LYN: variants seen among roughly 807,000 people sequenced by gnomAD.
The protein encoded by LYN is tyrosine-protein kinase Lyn.
LYN carries 12 observed loss-of-function variants against 65.0 expected under a neutral mutation model. The observed-to-expected ratio is 0.18, with a 90% CI of 0.12 to 0.30. The LOEUF (loss-of-function observed/expected upper bound fraction) is 0.30, where lower values mean the gene tolerates loss of function less well. LYN is among the 10% of genes least tolerant of loss of function. LYN has a pLI of 1.00. For synonymous variants in LYN, 222 were observed against 221.2 expected (o/e 1.00, Z -0.03); for missense variants, 380 against 623.2 (o/e 0.61, Z 4.16).
intron 1 of LYN, among the ~76,000 whole-genome samples, chr8:55,901,603 G>A (rs1486932234): frequency 6.6e-6 from 1 of 152,152 alleles, no homozygotes; most frequent in African/African-American, 2.4e-5. Context: ...CTCTTGCTCT[G>A]TGGGGTCAGG....
chr8:55,907,225 ATATTCATAAAATGGGG>A (rs1257954523), intron 1 of LYN, among the ~76,000 whole-genome samples: 3 of 152,358 alleles, frequency 2.0e-5, no homozygotes, highest in East Asian at 3.8e-4. Flanking sequence ...ACATTTTGAT[ATATTCATAAAATGGGG>A]TATTACTCAA....
chr8:55,908,968 G>T, intron 1 of LYN, among the ~76,000 whole-genome samples: 1 of 128,404 alleles, frequency 7.8e-6, no homozygotes, highest in Non-Finnish European at 1.6e-5. Flanking sequence ...TTTTGTGGCT[G>T]AATGGTATTC....
chr8:55,986,494 T>G (rs1301263674), intron 10 of LYN, among the ~76,000 whole-genome samples: 1 of 152,184 alleles, frequency 6.6e-6, no homozygotes, highest in Non-Finnish European at 1.5e-5. Flanking sequence ...AGAAGGTAAT[T>G]CTGTTTCGTG....
chr8:55,920,392 G>A (rs1268699734), intron 1 of LYN, among the ~76,000 whole-genome samples: 1 of 152,188 alleles, frequency 6.6e-6, no homozygotes, highest in Non-Finnish European at 1.5e-5. Context: ...TTTCTTAAGT[G>A]TGATCATGTC....
chr8:56,011,973 GTT>G lies in LYN; in HGVS notation c.*1872_*1873del. On this transcript the variant is annotated 3_prime_UTR_variant, in exon 13 of 13. Coordinates refer to ENST00000519728, the MANE Select transcript of LYN (RefSeq NM_002350.4). ...AGAAGTCTCTAGAAAATGACTAGAGGTTTTTTTTTTAGCATAACAAATTTATT... is the reference window on the plus strand; with the variant it reads ...AGAAGTCTCTAGAAAATGACTAGAGGTTTTTTTTAGCATAACAAATTTATT... The G allele has an allele frequency of 1.1e-5, 2 of 176,962 alleles. No individual in the cohort carries two copies. The highest frequency in any genetic ancestry group is 2.4e-5 in the Non-Finnish European group (2 of 83,972). The allele number at this position is 176,962 out of a possible 1,614,324, so 11.0% of individuals were successfully genotyped here.
intron 10 of LYN, among the ~76,000 whole-genome samples, chr8:55,995,578 G>C (rs1808351584): frequency 6.6e-6 from 1 of 152,150 alleles, no homozygotes; most frequent in Non-Finnish European, 1.5e-5. Context: ...TGAGGAGCAG[G>C]GAGCACTGGG....
intron 8 of LYN, among the ~76,000 whole-genome samples, chr8:55,963,639 T>C (rs1440197645): frequency 6.6e-6 from 1 of 152,240 alleles, no homozygotes; most frequent in East Asian, 1.9e-4. Context: ...TTCTCATGAC[T>C]TTATTTGCAT....
chr8:55,972,838 A>T (rs1807646737), intron 10 of LYN, among the ~76,000 whole-genome samples: 1 of 152,198 alleles, frequency 6.6e-6, no homozygotes. Context: ...TTTAGGGATA[A>T]AGCAGAAGAG....
chr8:55,981,999 C>T (rs767648593), intron 10 of LYN, among the ~76,000 whole-genome samples: 5 of 152,168 alleles, frequency 3.3e-5, no homozygotes, highest in Non-Finnish European at 1.5e-5. Flanking sequence ...TGTCCTCCCC[C>T]AGTGTCATGC....
At chr8:55,986,647 G>A (rs1186560071) in intron 10 of LYN, among the ~76,000 whole-genome samples, 1 of 152,186 alleles carries the variant, frequency 6.6e-6, no homozygotes, top group Non-Finnish European at 1.5e-5. Context: ...CCCTAAGCTT[G>A]GATATGCCAA....
chr8:55,923,968 G>C (rs1441929427), intron 1 of LYN, among the ~76,000 whole-genome samples: 4 of 151,752 alleles, frequency 2.6e-5, no homozygotes, highest in Non-Finnish European at 5.9e-5. Flanking sequence ...TCTCAAATGG[G>C]ATGTGTACAC....
chr8:55,891,086 C>T (rs1804948431), intron 1 of LYN, among the ~76,000 whole-genome samples: 2 of 151,444 alleles, frequency 1.3e-5, no homozygotes, highest in Admixed American at 6.6e-5. Flanking sequence ...GGTGCGGTGG[C>T]TCATGCCTGT....
intron 1 of LYN, among the ~76,000 whole-genome samples, chr8:55,914,693 C>T (rs76732917): frequency 0.021 from 3,247 of 152,302 alleles, 41 homozygotes; most frequent in Non-Finnish European, 0.03. Context: ...TCATCAGCCT[C>T]GCTCACCTTA....
At chr8:55,937,548 T>G (rs762092016) in intron 1 of LYN, among the ~76,000 whole-genome samples, 16 of 152,228 alleles carry the variant, frequency 1.1e-4, no homozygotes, top group Non-Finnish European at 1.9e-4. Flanking sequence ...CTTATGCCCC[T>G]GTGCAGTGTA....
intron 8 of LYN, among the ~76,000 whole-genome samples, chr8:55,962,049 T>A (rs1276682287): frequency 1.3e-5 from 2 of 152,268 alleles, no homozygotes; most frequent in Non-Finnish European, 2.9e-5. Context: ...TTATACCAAA[T>A]GTGCTCTTTT....
chr8:55,988,949 C>T (rs571462417), intron 10 of LYN, among the ~76,000 whole-genome samples: 9 of 151,872 alleles, frequency 5.9e-5, no homozygotes, highest in African/African-American at 1.9e-4. Context: ...GCCAATTTCT[C>T]AAAAAGCGAT....
intron 1 of LYN, among the ~76,000 whole-genome samples, chr8:55,915,981 A>G (rs910452185): frequency 7.2e-5 from 11 of 152,206 alleles, no homozygotes; most frequent in Non-Finnish European, 1.5e-4. Flanking sequence ...TAAACTCACA[A>G]TTAATGGCAT....
At chr8:56,001,561 A>G (rs1585682271) in intron 12 of LYN, among the ~76,000 whole-genome samples, 1 of 152,322 alleles carries the variant, frequency 6.6e-6, no homozygotes, top group Non-Finnish European at 1.5e-5. Flanking sequence ...TGTCCCAGGA[A>G]ATCCCTTTAG....
At chr8:55,922,739 C>T (rs1257788449) in intron 1 of LYN, among the ~76,000 whole-genome samples, 1 of 151,346 alleles carries the variant, frequency 6.6e-6, no homozygotes, top group African/African-American at 2.4e-5. Context: ...TGCACTCCAG[C>T]CTGGGCAAAA....
Sources: gnomAD v4.1 joint callset for allele counts (sites outside exome capture counted in the v4.1 genomes callset) on GRCh38, gnomAD v4.1.1 for gene constraint, MANE v1.5 for transcripts, NCBI Gene and HGNC (gene_info 2026-07-23, HGNC 2026-07-21) for gene names.